UBR2: variants seen among roughly 807,000 people sequenced by gnomAD.
The protein encoded by UBR2 is E3 ubiquitin-protein ligase UBR2.
UBR2 carries 92 observed loss-of-function variants against 247.9 expected under a neutral mutation model. The observed-to-expected ratio is 0.37, with a 90% CI of 0.31 to 0.44. The LOEUF is 0.44. UBR2 is among the 20% of genes least tolerant of loss of function. UBR2 has a pLI of 1.00. For synonymous variants in UBR2, 672 were observed against 693.5 expected, an observed-to-expected ratio of 0.97 and a Z score of 0.49; for missense variants, 1,613 against 2,112.6, an observed-to-expected ratio of 0.76 and a Z score of 4.64.
chr6:42,668,472 C>T (rs1798247739), intron 34 of UBR2, among the ~76,000 whole-genome samples: 1 of 152,138 alleles, frequency 6.6e-6, no homozygotes. Context: ...CAGGTTCTCA[C>T]TCTGTCATCC....
At position 42,691,158 on chromosome 6, in the gene UBR2, C is replaced by T. The variant is rs1160952401; in HGVS notation, c.5253C>T (p.Asp1751=). ...QEANQTLVGI[D]WQHL ...CCAATCAGACACTGGTTGGCATTGA[C>T]TGGCAACATTTATAATTATTGCACC... Residue 1751 remains aspartate (D), a synonymous_variant, in exon 47 of 47, where the codon GAC becomes GAT. Transcript: ENST00000372901. The T allele has an allele frequency of 6.2e-7, 1 of 1,613,766 alleles. No individual in the cohort carries two copies. Among genetic ancestry groups the T allele is most frequent in the East Asian group, 2.2e-5 (1 of 44,880 alleles).
In UBR2 at chr6:42,649,612, T is replaced by C. The variant is rs1016248; in HGVS notation, c.2463-672T>C. 6.2e-4 allele frequency among the ~76,000 whole-genome samples: 95 copies of C among 152,354 alleles called. 1 individual carries two copies. The highest frequency in any genetic ancestry group is 1.0e-3 in the South Asian group (5 of 4,832). On this transcript the variant is annotated intron_variant, in intron 22 of 46. Coordinates refer to ENST00000372901, the MANE Select transcript of UBR2 (RefSeq NM_001363705.2). ...CAACACTTTAATATGAGCAGTCTTTTAGTACCTTATTTTAATTTGCGTTAC... is the reference window on the plus strand; with the variant it reads ...CAACACTTTAATATGAGCAGTCTTTCAGTACCTTATTTTAATTTGCGTTAC...
rs764884230 is a variant in UBR2 at position 42,632,822 on chromosome 6, A to C, written c.1463A>C (p.Lys488Thr). 2.5e-6 allele frequency: 4 copies of C among 1,602,442 alleles called. No individual in the cohort carries two copies. The Admixed American group carries it at 7.1e-5, about 28-fold the overall frequency. ...TTGTTCAGGTATGTGTTAATTAGCA[A>C]ACCAACTGAATGGTCAGATGAGCTG... ...ILDLKYVLISKPTEWSDELRQ... is the reference protein window; with the variant it reads ...ILDLKYVLISTPTEWSDELRQ... The change falls in exon 13 of 47, where the codon AAA (lysine) becomes ACA (threonine). Residue 488 changes from lysine (K) to threonine (T), a missense_variant. By Grantham distance (78) the Lys-to-Thr change is moderately conservative (BLOSUM62 -1). Around this residue, in one of 3 missense-constraint regions of UBR2, gnomAD observed 1,524 missense variants for 1,967.3 expected, o/e 0.77. Coordinates refer to ENST00000372901, the MANE Select transcript of UBR2 (RefSeq NM_001363705.2).
chr6:42,689,887 G>A lies in UBR2; in HGVS notation c.5126+217G>A, dbSNP rs1378247109. Among the ~76,000 whole-genome samples, 2 of 152,150 alleles carry A rather than the reference G, an allele frequency of 1.3e-5. No homozygotes were observed. Among genetic ancestry groups the A allele is most frequent in the African/African-American group, 4.8e-5 (2 of 41,416 alleles). Reference sequence around the variant, plus strand: ...TCAGGATAGGTAAGGGAAGAGAATAGGACAGAGTGCAACTTTATTCCATTT... The same window carrying A: ...TCAGGATAGGTAAGGGAAGAGAATAAGACAGAGTGCAACTTTATTCCATTT... On this transcript the variant is annotated intron_variant, in intron 46 of 46. Coordinates refer to ENST00000372901, the MANE Select transcript of UBR2 (RefSeq NM_001363705.2). This position sits in a 1 kb window ranked among gnomAD's most constrained non-coding sequence, Gnocchi z 4.0.
chr6:42,606,438 T>C, intron 6 of UBR2, 151 bp from the exon 7 acceptor site: 1 of 603,706 alleles, frequency 1.7e-6, no homozygotes, highest in Non-Finnish European at 2.8e-6. Context: ...GAAGGAAAAT[T>C]TTAACTAACT....
At chr6:42,585,354 G>A (rs1582456532) in intron 2 of UBR2, among the ~76,000 whole-genome samples, 2 of 152,094 alleles carry the variant, frequency 1.3e-5, no homozygotes, top group South Asian at 4.1e-4. Context: ...TTGTGTGAAG[G>A]ATTTTTGTCT....
At chr6:42,656,224 G>A (rs951822638) in intron 26 of UBR2, among the ~76,000 whole-genome samples, 1 of 152,200 alleles carries the variant, frequency 6.6e-6, no homozygotes, top group Admixed American at 6.5e-5. Context: ...TCAAAGAAAA[G>A]CTTCTCATTT....
chr6:42,594,797 T>C (rs1324858820), intron 4 of UBR2, among the ~76,000 whole-genome samples: 1 of 152,218 alleles, frequency 6.6e-6, no homozygotes, highest in Non-Finnish European at 1.5e-5. Context: ...CACTGCTTAC[T>C]GTGTTTTTCA....
chr6:42,614,375 T>TATATATGTATGTACGTCCATACATAC (rs70990112), intron 8 of UBR2, among the ~76,000 whole-genome samples: 1 of 69,750 alleles, frequency 1.4e-5, no homozygotes, highest in African/African-American at 5.4e-5. Context: ...TGTGTATGTG[T>TATATATGTATGTACGTCCATACATAC]GTATATATGT....
At chr6:42,602,582 G>A (rs1793451241) in intron 4 of UBR2, among the ~76,000 whole-genome samples, 2 of 151,212 alleles carry the variant, frequency 1.3e-5, no homozygotes, top group Non-Finnish European at 2.9e-5. Context: ...ATGCAAAAAT[G>A]TTCTGTCTCC....
intron 9 of UBR2, among the ~76,000 whole-genome samples, chr6:42,615,444 T>C (rs189265049): frequency 1.2e-4 from 19 of 152,266 alleles, no homozygotes; most frequent in East Asian, 1.2e-3. Context: ...AAGGAAAATA[T>C]GTATTTTGCT....
chr6:42,674,739 T>C (rs1013685855), intron 38 of UBR2, among the ~76,000 whole-genome samples: 13 of 150,798 alleles, frequency 8.6e-5, no homozygotes, highest in Non-Finnish European at 1.8e-4. Flanking sequence ...CCAGCCTGGA[T>C]GACAGAGCAA....
At chr6:42,684,968 A>G in intron 44 of UBR2, 97 bp downstream of exon 44, 1 of 1,041,468 alleles carries the variant, frequency 9.6e-7, no homozygotes, top group East Asian at 2.6e-5. Flanking sequence ...GTTTGGGTAG[A>G]GAAATCATAT....
intron 34 of UBR2, among the ~76,000 whole-genome samples, chr6:42,668,474 CTG>C (rs1181146798): frequency 6.6e-6 from 1 of 152,170 alleles, no homozygotes; most frequent in African/African-American, 2.4e-5. Context: ...GGTTCTCACT[CTG>C]TCATCCAGGC....
intron 25 of UBR2, among the ~76,000 whole-genome samples, 160 bp downstream of exon 25, chr6:42,652,805 T>C (rs541935097): frequency 3.3e-4 from 51 of 152,350 alleles, no homozygotes; most frequent in Non-Finnish European, 6.6e-4. Flanking sequence ...TAAAAACAAG[T>C]GCCAGACAGA....
At chr6:42,564,426 C>A in intron 1 of UBR2, 29 bp downstream of exon 1, 2 of 1,598,110 alleles carry the variant, frequency 1.3e-6, no homozygotes, top group Non-Finnish European at 1.7e-6. Flanking sequence ...GCGGGTGCGT[C>A]TGCCCCTCGC....
intron 2 of UBR2, among the ~76,000 whole-genome samples, chr6:42,579,018 CTT>C: frequency 6.6e-6 from 1 of 152,010 alleles, no homozygotes; most frequent in South Asian, 2.1e-4. Context: ...GTCTTGATCT[CTT>C]GCAGGATTCT....
Position 42,632,906 on chromosome 6 carries a change from T to C in UBR2, c.1545+2T>C, listed in dbSNP as rs1795835548. The C allele has an allele frequency of 2.0e-6, 3 of 1,533,326 alleles. No individual in the cohort carries two copies. Among genetic ancestry groups the C allele is most frequent in the Non-Finnish European group, 2.6e-6 (3 of 1,145,182 alleles). The allele number at this position is 1,533,326 out of a possible 1,614,324, so 95.0% of individuals were successfully genotyped here. A position where few individuals can be genotyped will look rare whatever the true frequency, so the allele number is the denominator to read the frequency against. Reference sequence around the variant, plus strand: ...TTGGAATTACTAAAATGTATGCAGGTATGTAAAAACTGTTACACTTTTCTT... The same window carrying C: ...TTGGAATTACTAAAATGTATGCAGGCATGTAAAAACTGTTACACTTTTCTT... On this transcript the variant is annotated splice_donor_variant, in intron 13 of 46. Coordinates refer to ENST00000372901, the MANE Select transcript of UBR2 (RefSeq NM_001363705.2). LOFTEE classifies it high-confidence loss of function.
intron 36 of UBR2, among the ~76,000 whole-genome samples, chr6:42,672,325 T>G (rs1267515788): frequency 6.6e-6 from 1 of 151,984 alleles, no homozygotes; most frequent in Non-Finnish European, 1.5e-5. Flanking sequence ...GAGCCACCAT[T>G]CCCGGCCTAG....
Sources: gnomAD v4.1 joint callset for allele counts (sites outside exome capture counted in the v4.1 genomes callset) on GRCh38, gnomAD v4.1.1 for gene constraint, gnomAD v4.1.1 regional missense constraint, Gnocchi (gnomAD v3.1) non-coding constraint, MANE v1.5 for transcripts, NCBI Gene and HGNC (gene_info 2026-07-23, HGNC 2026-07-21) for gene names.